ANKRD13C: variants seen among roughly 807,000 people sequenced by gnomAD.
ANKRD13C encodes ankyrin repeat domain 13C, also known as ankyrin repeat domain-containing protein 13C.
ANKRD13C carries 16 observed loss-of-function variants against 65.5 expected under a neutral mutation model. The observed-to-expected ratio is 0.24, with a 90% confidence interval of 0.17 to 0.37. The LOEUF (loss-of-function observed/expected upper bound fraction) is 0.37, where lower values mean the gene tolerates loss of function less well. Ranked by LOEUF, ANKRD13C falls within the 10% of genes least tolerant of loss-of-function variation. The pLI is 1.00. For missense variants in ANKRD13C, 503 were observed against 655.9 expected (o/e 0.77, Z 2.55); for synonymous variants, 235 against 238.7 (o/e 0.98, Z 0.14).
At position 70,274,754 on chromosome 1, in the gene ANKRD13C, C is replaced by A; in HGVS notation, c.1360G>T (p.Ala454Ser). The A allele has an allele frequency of 6.2e-7, 1 of 1,613,800 alleles. No individual in the cohort carries two copies. Residue 454 changes from alanine to serine, a missense_variant, in exon 11 of 13, where the codon GCC (alanine) becomes TCC (serine). Around this residue, in one of 2 missense-constraint regions of ANKRD13C, gnomAD observed 300 missense variants for 478.3 expected, o/e 0.63. Coordinates refer to ENST00000370944, the MANE Select transcript of ANKRD13C (RefSeq NM_030816.5). Reference protein sequence around the residue: ...ESKKTFKATIAMSQEFPLGIE... With the variant: ...ESKKTFKATISMSQEFPLGIE... ...CCTAAGGGAAATTCCTGGCTCATGG[C>A]TATCGTAGCTTTAAACGTTTTCTTA...
intron 7 of ANKRD13C, among the ~76,000 whole-genome samples, chr1:70,298,096 TA>T (rs1023906687): frequency 3.3e-5 from 5 of 151,924 alleles, no homozygotes; most frequent in African/African-American, 4.8e-5. Context: ...CAATATTCTT[TA>T]AAAAAAAGTT....
rs375344094 is a variant in ANKRD13C, at chr1:70,297,751, T to C, written c.922-1490A>G. 8.6e-5 allele frequency among the ~76,000 whole-genome samples: 12 copies of C among 140,004 alleles called. No homozygotes were observed. The East Asian group carries it at 2.1e-3, about 25-fold the overall frequency. The allele number at this position is 140,004 out of a possible 152,430, so 91.8% of individuals were successfully genotyped here. A position where few individuals can be genotyped will look rare whatever the true frequency, so the allele number is the denominator to read the frequency against. On this transcript the variant is annotated intron_variant, in intron 7 of 12. Transcript: ENST00000370944. ...TAACATGGTGAAACCCCGTCTCTACTAAAAAAAAAAAATTAGCCGGGCATG... is the reference window on the plus strand; with the variant it reads ...TAACATGGTGAAACCCCGTCTCTACCAAAAAAAAAAAATTAGCCGGGCATG...
intron 12 of ANKRD13C, among the ~76,000 whole-genome samples, chr1:70,263,106 TAAG>T (rs2101087290): frequency 6.6e-6 from 1 of 152,264 alleles, no homozygotes; most frequent in Non-Finnish European, 1.5e-5. Context: ...TTCCTAGTCT[TAAG>T]AATATAATGC....
At position 70,313,729 on chromosome 1, in the gene ANKRD13C, C is replaced by T; in HGVS notation, c.709+16G>A. On this transcript the variant is annotated intron_variant, in intron 5 of 12. Transcript: ENST00000370944. ...CATAAGTACATATTTTATACTAAAA[C>T]ATAGCATACTCTTACCCCAGCTTTG... 2 of 1,588,324 alleles carry T rather than the reference C, an allele frequency of 1.3e-6. No individual in the cohort carries two copies. Among genetic ancestry groups the T allele is most frequent in the Non-Finnish European group, 8.6e-7 (1 of 1,158,468 alleles).
intron 5 of ANKRD13C, 36 bp from the exon 6 acceptor site, chr1:70,306,326 C>A: frequency 1.5e-6 from 2 of 1,372,058 alleles, no homozygotes; most frequent in South Asian, 1.5e-5. Context: ...AAAATAACTA[C>A]CTAAATTTTG....
In ANKRD13C at chr1:70,302,498, G is replaced by A. The variant is rs1165761784; in HGVS notation, c.777-1590C>T. Among the ~76,000 whole-genome samples, 6 of 110,700 alleles carry A rather than the reference G, an allele frequency of 5.4e-5. 1 individual carries two copies. Among genetic ancestry groups the A allele is most frequent in the South Asian group, 3.1e-4 (1 of 3,258 alleles). The allele number at this position is 110,700 out of a possible 152,430, so 72.6% of individuals were successfully genotyped here. On this transcript the variant is annotated intron_variant, in intron 6 of 12. Coordinates refer to ENST00000370944, the MANE Select transcript of ANKRD13C (RefSeq NM_030816.5). ...TCCCAGCACTTTGGGAGGCCAAGGC[G>A]GGCGGATCACGAGGTCAGGAGATCG...
intron 3 of ANKRD13C, 81 bp downstream of exon 3, chr1:70,324,772 T>TA: frequency 9.6e-7 from 1 of 1,038,114 alleles, no homozygotes; most frequent in Non-Finnish European, 1.4e-6. Context: ...TATGGCAAGT[T>TA]ACAATGAATG....
intron 9 of ANKRD13C, among the ~76,000 whole-genome samples, chr1:70,291,038 T>A (rs1417007016): frequency 7.1e-6 from 1 of 139,904 alleles, no homozygotes; most frequent in African/African-American, 3.2e-5. Context: ...TCTGGGAAAT[T>A]TTTTTTTTTT....
At chr1:70,349,537 C>A (rs1200723753) in intron 1 of ANKRD13C, among the ~76,000 whole-genome samples, 1 of 151,794 alleles carries the variant, frequency 6.6e-6, no homozygotes, top group South Asian at 2.1e-4. Context: ...CAATATTTTA[C>A]CACAAAAGTA....
rs1303185518 is a variant in ANKRD13C at position 70,354,273 on chromosome 1, C to T, written c.136G>A (p.Gly46Ser). ...AAGATCTTATGACAAGCTTTGCCGC[C>T]CTTGCCAATCCTGCTTCTGGTAAAG... ...GTFTRSRIGK[G>S]GKACHKIFSN... The change falls in exon 1 of 13, where the codon GGC (glycine) becomes AGC (serine). Residue 46 changes from glycine (G) to serine (S), a missense_variant. Physicochemically the swap from Gly to Ser is moderately conservative, Grantham distance 56 (BLOSUM62 0). Around this residue, in one of 2 missense-constraint regions of ANKRD13C, gnomAD observed 203 missense variants for 177.6 expected, o/e 1.14. Transcript: ENST00000370944. The T allele has an allele frequency of 1.2e-6, 2 of 1,613,880 alleles. No homozygotes were observed. The highest frequency in any genetic ancestry group is 1.7e-5 in the Admixed American group (1 of 60,030).
intron 1 of ANKRD13C, among the ~76,000 whole-genome samples, chr1:70,347,545 C>A (rs1008248124): frequency 6.6e-6 from 1 of 152,138 alleles, no homozygotes; most frequent in African/African-American, 2.4e-5. Flanking sequence ...ATTTCTATTC[C>A]TATTGCAGCC....
chr1:70,281,636 C>T (rs1452395770), intron 9 of ANKRD13C, among the ~76,000 whole-genome samples: 1 of 151,532 alleles, frequency 6.6e-6, no homozygotes, highest in Non-Finnish European at 1.5e-5. Context: ...AACTCCTGAG[C>T]TCAAGCAATC....
At chr1:70,291,187 T>C (rs1456514083) in intron 9 of ANKRD13C, among the ~76,000 whole-genome samples, 1 of 152,060 alleles carries the variant, frequency 6.6e-6, no homozygotes, top group African/African-American at 2.4e-5. Flanking sequence ...TGTGTCACCA[T>C]GCCCAGCTAA....
intron 5 of ANKRD13C, among the ~76,000 whole-genome samples, chr1:70,309,689 C>G (rs1354942203): frequency 6.9e-6 from 1 of 144,828 alleles, no homozygotes; most frequent in Admixed American, 6.9e-5. Context: ...TCGCGCTAGC[C>G]TGGGCGACAG....
At chr1:70,337,209 T>C (rs1374033795) in intron 1 of ANKRD13C, among the ~76,000 whole-genome samples, 1 of 150,960 alleles carries the variant, frequency 6.6e-6, no homozygotes, top group Non-Finnish European at 1.5e-5. Flanking sequence ...CAGAATGGAA[T>C]GGGAATTGTT....
chr1:70,332,065 T>A (rs781134790), intron 2 of ANKRD13C, among the ~76,000 whole-genome samples: 9 of 152,316 alleles, frequency 5.9e-5, no homozygotes, highest in Non-Finnish European at 1.3e-4. Context: ...TGGTTGTGTC[T>A]ACTCTATTTG....
Position 70,313,831 on chromosome 1 carries a change from T to C in ANKRD13C, c.664-41A>G, listed in dbSNP as rs546888469. 32 of 1,427,828 alleles carry C rather than the reference T, an allele frequency of 2.2e-5. No individual in the cohort carries two copies. In the African/African-American group the frequency reaches 4.2e-4, roughly 19 times the overall value. 88.4% of individuals were successfully genotyped at this position (1,427,828 alleles called of 1,614,324 possible). Reference sequence around the variant, plus strand: ...TGAATAATTACTAAATGCACCTTAGTTAAAAGTTCTTATGCTTTAAAAATA... The same window carrying C: ...TGAATAATTACTAAATGCACCTTAGCTAAAAGTTCTTATGCTTTAAAAATA... On this transcript the variant is annotated intron_variant, in intron 4 of 12. Coordinates refer to ENST00000370944, the MANE Select transcript of ANKRD13C (RefSeq NM_030816.5).
At chr1:70,353,514 G>A (rs1329641169) in intron 1 of ANKRD13C, among the ~76,000 whole-genome samples, 1 of 152,186 alleles carries the variant, frequency 6.6e-6, no homozygotes, top group Non-Finnish European at 1.5e-5. Context: ...ACAACCTGGT[G>A]GCAGGCAAAA....
intron 9 of ANKRD13C, among the ~76,000 whole-genome samples, chr1:70,285,683 T>C (rs1050209301): frequency 6.7e-6 from 1 of 149,686 alleles, no homozygotes; most frequent in Admixed American, 6.7e-5. Context: ...CAGGCTGCAG[T>C]AGGGTGGAGT....
Sources: gnomAD v4.1 joint callset for allele counts (sites outside exome capture counted in the v4.1 genomes callset) on GRCh38, gnomAD v4.1.1 for gene constraint, gnomAD v4.1.1 regional missense constraint, MANE v1.5 for transcripts, NCBI Gene and HGNC (gene_info 2026-07-23, HGNC 2026-07-21) for gene names.